The following SLF1 variants were observed in gnomAD, a reference collection of about 807,000 sequenced individuals.
SLF1 encodes the protein SMC5-SMC6 complex localization factor protein 1.
In SLF1, 105 loss-of-function variants were observed where a neutral mutation model predicts 123.0. That is an observed-to-expected ratio of 0.85 (90% CI 0.73 to 1.00). The LOEUF (loss-of-function observed/expected upper bound fraction) is 1.00. SLF1 is among the 50% of genes least tolerant of loss of function. The pLI is 0.00. For synonymous variants in SLF1, 434 were observed against 406.6 expected, an observed-to-expected ratio of 1.07 and a Z score of -0.81; for missense variants, 1,239 against 1,223.0, an observed-to-expected ratio of 1.01 and a Z score of -0.20.
At chr5:94,623,490 T>TC (rs940724054) in intron 1 of SLF1, among the ~76,000 whole-genome samples, 10 of 152,090 alleles carry the variant, frequency 6.6e-5, no homozygotes, top group South Asian at 2.1e-4. Flanking sequence ...GCTTTTTTTT[T>TC]CCCTCCTTTT....
At chr5:94,666,374 A>G (rs1196856983) in intron 12 of SLF1, among the ~76,000 whole-genome samples, 1 of 152,236 alleles carries the variant, frequency 6.6e-6, no homozygotes, top group Non-Finnish European at 1.5e-5. Flanking sequence ...AAAAGTGTAG[A>G]CATTTGTAAC....
chr5:94,673,809 A>G (rs1750743575), intron 14 of SLF1, among the ~76,000 whole-genome samples: 1 of 152,086 alleles, frequency 6.6e-6, no homozygotes, highest in South Asian at 2.1e-4. Flanking sequence ...GCAGGAAAAT[A>G]AAAGTTAGTT....
chr5:94,662,156 A>G, intron 9 of SLF1, 142 bp from the exon 10 acceptor site: 1 of 517,532 alleles, frequency 1.9e-6, no homozygotes, highest in Non-Finnish European at 3.2e-6. Flanking sequence ...TGCTAGTTTG[A>G]GTAAATATGA....
chr5:94,671,117 T>C (rs773439268), intron 14 of SLF1, 109 bp downstream of exon 14: 5 of 783,446 alleles, frequency 6.4e-6, no homozygotes, highest in Non-Finnish European at 9.5e-6. Flanking sequence ...AATTAAAATG[T>C]ACCCAAATAT....
intron 1 of SLF1, among the ~76,000 whole-genome samples, chr5:94,622,260 C>T (rs1257708403): frequency 6.6e-6 from 1 of 152,156 alleles, no homozygotes; most frequent in Non-Finnish European, 1.5e-5. Context: ...TAATTCAGAG[C>T]AGAAATCTTG....
chr5:94,667,139 TATTC>T (rs1350810756), intron 12 of SLF1, among the ~76,000 whole-genome samples: 2 of 152,086 alleles, frequency 1.3e-5, no homozygotes, highest in Non-Finnish European at 2.9e-5. Context: ...AGCATGCATT[TATTC>T]ATTCTTTTAA....
intron 6 of SLF1, among the ~76,000 whole-genome samples, chr5:94,651,106 A>G (rs971024365): frequency 3.9e-5 from 6 of 152,194 alleles, no homozygotes; most frequent in African/African-American, 1.4e-4. Flanking sequence ...TAGATACACT[A>G]ATACTCAGCA....
intron 4 of SLF1, among the ~76,000 whole-genome samples, chr5:94,635,651 G>A (rs1056983145): frequency 6.6e-6 from 1 of 151,538 alleles, no homozygotes; most frequent in African/African-American, 2.4e-5. Context: ...TTTATTCTTA[G>A]ACTATGTCAA....
At chr5:94,626,491 T>C (rs1275449805) in intron 1 of SLF1, among the ~76,000 whole-genome samples, 1 of 152,220 alleles carries the variant, frequency 6.6e-6, no homozygotes, top group African/African-American at 2.4e-5. Context: ...TCTTATGTTC[T>C]GTATCTGAGT....
At chr5:94,621,671 T>C (rs1409021810) in intron 1 of SLF1, among the ~76,000 whole-genome samples, 3 of 152,198 alleles carry the variant, frequency 2.0e-5, no homozygotes, top group African/African-American at 7.2e-5. Context: ...CCTTGTACAG[T>C]ACTGGATAGA....
Position 94,670,278 on chromosome 5 carries a change from A to G in SLF1, c.1660A>G (p.Lys554Glu). 6.8e-7 allele frequency: 1 copy of G among 1,474,340 alleles called. No individual in the cohort carries two copies. The highest frequency in any genetic ancestry group is 8.9e-7 in the Non-Finnish European group (1 of 1,117,356). The allele number at this position is 1,474,340 out of a possible 1,614,324, so 91.3% of individuals were successfully genotyped here. ...IESEVQHLSQ[K>E]LYDWSDSQNL... ...AAGTGAAGTACAACATCTGAGTCAA[A>G]AGTAAGTTCTAATCGCAAGAATAAC... The change falls in exon 13 of 21, where the codon AAG becomes GAG. Residue 554 changes from lysine to glutamate, a missense_variant and splice_region_variant. Lys to Glu is a moderately conservative substitution (Grantham distance 56). Coordinates refer to ENST00000265140, the MANE Select transcript of SLF1 (RefSeq NM_032290.4).
At position 94,670,154 on chromosome 5, in the gene SLF1, T is replaced by C; in HGVS notation, c.1536T>C (p.Ser512=). 2.0e-6 allele frequency: 3 copies of C among 1,535,870 alleles called. No homozygotes were observed. Among genetic ancestry groups the C allele is most frequent in the Non-Finnish European group, 2.6e-6 (3 of 1,140,506 alleles). ...AWSLVEVLIR[S]CLFNESFCHQ... is the part of the protein sequence containing the mutation. ...TTTTTGGGTTCATGTTTTTCAGGTC[T>C]TGCCTTTTCAATGAAAGCTTTTGTC... Residue 512 remains serine (S), a synonymous_variant, in exon 13 of 21, where the codon TCT becomes TCC. Coordinates refer to ENST00000265140, the MANE Select transcript of SLF1 (RefSeq NM_032290.4).
At chr5:94,679,766 G>A (rs1751551348) in intron 15 of SLF1, among the ~76,000 whole-genome samples, 1 of 151,952 alleles carries the variant, frequency 6.6e-6, no homozygotes, top group Admixed American at 6.6e-5. Context: ...AAAATAAAGG[G>A]AGGAAGGAGT....
At chr5:94,658,269 C>T (rs766679296) in intron 9 of SLF1, among the ~76,000 whole-genome samples, 2 of 150,596 alleles carry the variant, frequency 1.3e-5, no homozygotes, top group Non-Finnish European at 3.0e-5. Flanking sequence ...AGATATCATC[C>T]GTTTGCTTCC....
intron 4 of SLF1, among the ~76,000 whole-genome samples, chr5:94,634,554 A>G (rs1382110028): frequency 1.3e-5 from 2 of 152,206 alleles, no homozygotes; most frequent in Non-Finnish European, 2.9e-5. Context: ...GTATATGTAT[A>G]TACTATATTT....
intron 9 of SLF1, among the ~76,000 whole-genome samples, chr5:94,655,855 A>G (rs1022390349): frequency 4.6e-5 from 7 of 151,760 alleles, no homozygotes; most frequent in African/African-American, 1.7e-4. Context: ...TTTTTTGTCA[A>G]GTCTTCATGT....
intron 14 of SLF1, among the ~76,000 whole-genome samples, chr5:94,672,449 C>T (rs1026162652): frequency 3.3e-4 from 50 of 151,364 alleles, no homozygotes; most frequent in Non-Finnish European, 6.0e-4. Flanking sequence ...CTTTCTCTCT[C>T]TCTCCCTCTT....
Position 94,692,217 on chromosome 5 carries a change from G to C in SLF1, c.2656G>C (p.Gly886Arg). 1 of 1,613,702 alleles carries C rather than the reference G, an allele frequency of 6.2e-7. No homozygotes were observed. Among genetic ancestry groups the C allele is most frequent in the Non-Finnish European group, 8.5e-7 (1 of 1,179,752 alleles). ...VTPLHDALSN[G>R]HVEIGKLLLQ... ...TCCTTTGCATGATGCACTGTCAAAC[G>C]GACATGTAGAAATTGGCAAGCTGCT... The change falls in exon 20 of 21, where the codon GGA becomes CGA. Residue 886 changes from glycine to arginine, a missense_variant. Transcript: ENST00000265140.
At chr5:94,648,295 T>C (rs1444313438) in intron 5 of SLF1, among the ~76,000 whole-genome samples, 1 of 152,232 alleles carries the variant, frequency 6.6e-6, no homozygotes, top group East Asian at 1.9e-4. Context: ...TCAGGGATTA[T>C]TCTGTGGTTT....
Sources: allele counts gnomAD v4.1 joint callset (sites outside exome capture counted in the v4.1 genomes callset), GRCh38; gene constraint gnomAD v4.1.1; transcripts MANE v1.5; gene names NCBI Gene and HGNC (gene_info 2026-07-23, HGNC 2026-07-21).